The following ARRDC2 variants were observed in gnomAD, a reference collection of about 807,000 sequenced individuals.
The protein encoded by ARRDC2 is arrestin domain containing 2.
A neutral mutation model predicts 38.9 loss-of-function variants in ARRDC2; 39 were observed. The ratio of observed to expected loss-of-function variants is 1.00; its 90% CI spans 0.78 to 1.31. The LOEUF is 1.31. Ranked by LOEUF, ARRDC2 falls within the 50% of genes most tolerant of loss-of-function variation. The pLI, the probability that ARRDC2 is intolerant of heterozygous loss-of-function variation, is 0.00. For synonymous variants in ARRDC2, 300 were observed against 261.9 expected (o/e 1.15, Z -1.41); for missense variants, 553 against 588.4 (o/e 0.94, Z 0.62).
chr19:18,005,954 G>A (rs1348512534), upstream of ARRDC2, among the ~76,000 whole-genome samples: 3 of 151,484 alleles, frequency 2.0e-5, no homozygotes, highest in Admixed American at 6.6e-5. Flanking sequence ...AGACGGGGTC[G>A]CGGCCGGGCC....
rs904397117 is a variant in ARRDC2, at chr19:18,009,007, T to G, written c.378T>G (p.Ser126Arg). 1.5e-5 allele frequency: 25 copies of G among 1,613,608 alleles called. No homozygotes were observed. Among genetic ancestry groups the G allele is most frequent in the Non-Finnish European group, 1.9e-5 (23 of 1,180,000 alleles). Residue 126 changes from serine to arginine, a missense_variant, in exon 3 of 8, where the codon AGT becomes AGG. Coordinates refer to ENST00000222250, the MANE Select transcript of ARRDC2 (RefSeq NM_015683.2). Reference protein sequence around the residue: ...LVTSFEGKHGSVRYCIKATLH... With the variant: ...LVTSFEGKHGRVRYCIKATLH... ...CATCCTTCGAGGGCAAACACGGTAG[T>G]GTCCGCTACTGTATCAAGGCCACCC... is the stretch of plus-strand genomic sequence containing the variant.
upstream of ARRDC2, chr19:18,008,116 A>AGGGGGGCC: frequency 1.9e-6 from 1 of 522,500 alleles, no homozygotes; most frequent in Non-Finnish European, 2.9e-6. Context: ...AGAGACGGTG[A>AGGGGGGCC]CCCCACCCCC....
chr19:18,009,842 C>G lies in ARRDC2; in HGVS notation c.652C>G (p.Arg218Gly). ...CGGCTCCACACGTCCTGTGCTGCCT[C>G]GGGCAGCCGTGGTGCAGACACAGAC... ...DNGSTRPVLP[R>G]AAVVQTQTFM... The change falls in exon 5 of 8, where the codon CGG becomes GGG. Residue 218 changes from arginine (R) to glycine (G), a missense_variant. Transcript: ENST00000222250. The G allele has an allele frequency of 6.2e-7, 1 of 1,612,292 alleles. No homozygotes were observed. The highest frequency in any genetic ancestry group is 8.5e-7 in the Non-Finnish European group (1 of 1,179,860).
chr19:18,003,858 C>T (rs2033224475), upstream of ARRDC2, among the ~76,000 whole-genome samples: 2 of 152,174 alleles, frequency 1.3e-5, no homozygotes, highest in East Asian at 3.9e-4. Context: ...CCAGAATGGT[C>T]TCGATCTCCT....
intron 7 of ARRDC2, 98 bp downstream of exon 7, chr19:18,010,827 T>C (rs1460408062): frequency 1.3e-5 from 17 of 1,351,714 alleles, no homozygotes; most frequent in Admixed American, 9.4e-5. Flanking sequence ...TGTTTTTTTG[T>C]TTTTTTAGAC....
At chr19:18,001,148 C>G (rs2145992828) in exon 1 of ARRDC2, 4 of 722,888 alleles carry the variant, frequency 5.5e-6, no homozygotes, top group Non-Finnish European at 7.2e-6. Flanking sequence ...AGTTCGCCGA[C>G]GACGCGCCCG....
intron 7 of ARRDC2, 110 bp downstream of exon 7, chr19:18,010,839 G>A (rs553770538): frequency 8.1e-7 from 1 of 1,231,230 alleles, no homozygotes; most frequent in East Asian, 2.5e-5. Context: ...TTTTTAGACA[G>A]GGTCTTGCTC....
chr19:18,010,468 C>T, intron 6 of ARRDC2, 104 bp from the exon 7 acceptor site: 1 of 1,553,946 alleles, frequency 6.4e-7, no homozygotes, highest in Non-Finnish European at 8.7e-7. Flanking sequence ...AAAGGACATA[C>T]AGCCTGGCAG....
chr19:18,004,466 C>T (rs1423649050), upstream of ARRDC2, among the ~76,000 whole-genome samples: 9 of 150,228 alleles, frequency 6.0e-5, no homozygotes, highest in African/African-American at 1.9e-4. Context: ...AGGCTGGTCT[C>T]GAACTCCTGA....
At chr19:18,001,895 AC>A (rs2033193668) in intron 1 of ARRDC2, among the ~76,000 whole-genome samples, 1 of 152,068 alleles carries the variant, frequency 6.6e-6, no homozygotes, top group South Asian at 2.1e-4. Flanking sequence ...CTGAGATCGC[AC>A]CACTGCACTC....
At chr19:18,006,584 T>C (rs4808735), upstream of ARRDC2, among the ~76,000 whole-genome samples, 1 of 151,946 alleles carries the variant, frequency 6.6e-6, no homozygotes, top group African/African-American at 2.4e-5. Flanking sequence ...GTCCAGCTTC[T>C]GCTCGGCATG....
chr19:18,008,167 G>C (rs1454455296), upstream of ARRDC2: 1 of 1,228,714 alleles, frequency 8.1e-7, no homozygotes, highest in South Asian at 1.4e-5. Context: ...CGCACGGCGC[G>C]GGGATTTTCT....
In ARRDC2 at chr19:18,010,633, C is replaced by T. The variant is rs1235527428; in HGVS notation, c.1074C>T (p.Pro358=). Residue 358 remains proline (P), a synonymous_variant, in exon 7 of 8, where the codon CCC becomes CCT. Coordinates refer to ENST00000222250, the MANE Select transcript of ARRDC2 (RefSeq NM_015683.2). ...AGGAGGCAGCCTTGGGGCAGAGCCC[C>T]TTCCCGCTTCCGCAGGACCCCGACA... The part of the protein sequence containing the change: ...DTEEAALGQS[P]FPLPQDPDMS... The T allele has an allele frequency of 6.2e-7, 1 of 1,613,904 alleles. No individual in the cohort carries two copies. Among genetic ancestry groups the T allele is most frequent in the East Asian group, 2.2e-5 (1 of 44,862 alleles).
chr19:18,011,934 G>GTGTGTATATATA (rs944958651), intron 7 of ARRDC2, among the ~76,000 whole-genome samples: 58 of 68,352 alleles, frequency 8.5e-4, no homozygotes, highest in East Asian at 1.5e-3. Context: ...GTGTATATGT[G>GTGTGTATATATA]TATATATATA....
At chr19:18,006,086 G>A (rs529584088), upstream of ARRDC2, among the ~76,000 whole-genome samples, 30 of 150,890 alleles carry the variant, frequency 2.0e-4, no homozygotes, top group Non-Finnish European at 4.0e-4. Context: ...GGGAAGAGGC[G>A]CTCCTCACTT....
chr19:18,004,508 A>C (rs1238490872), upstream of ARRDC2, among the ~76,000 whole-genome samples: 4 of 150,560 alleles, frequency 2.7e-5, no homozygotes, highest in Non-Finnish European at 5.9e-5. Flanking sequence ...CGGCCTCCCA[A>C]AGTGCTGGGA....
At position 18,009,047 on chromosome 19, in the gene ARRDC2, G is replaced by T. The variant is rs762049398; in HGVS notation, c.418G>T (p.Val140Phe). Residue 140 changes from valine (V) to phenylalanine (F), a missense_variant, in exon 3 of 8, where the codon GTC (valine) becomes TTC (phenylalanine). By Grantham distance (50) the Val-to-Phe change is conservative. This residue lies in a region of ARRDC2 where 447 missense variants were observed against 456.6 expected (regional missense o/e 0.98). Coordinates refer to ENST00000222250, the MANE Select transcript of ARRDC2 (RefSeq NM_015683.2). The stretch of plus-strand genomic sequence containing the variant: ...CAAGGCCACCCTGCACCGGCCCTGG[G>T]TCCCAGCACGCCGGGCAAGGAAGGT... ...CIKATLHRPW[V>F]PARRARKVFT... The T allele has an allele frequency of 1.9e-6, 3 of 1,613,640 alleles. No homozygotes were observed. The highest frequency in any genetic ancestry group is 2.2e-5 in the South Asian group (2 of 91,086).
chr19:18,009,050 C>G lies in ARRDC2; in HGVS notation c.421C>G (p.Pro141Ala). 6.2e-7 allele frequency: 1 copy of G among 1,613,602 alleles called. No individual in the cohort carries two copies. Among genetic ancestry groups the G allele is most frequent in the Non-Finnish European group, 8.5e-7 (1 of 1,179,994 alleles). The change falls in exon 3 of 8, where the codon CCA (proline) becomes GCA (alanine). Residue 141 changes from proline (P) to alanine (A), a missense_variant. Coordinates refer to ENST00000222250, the MANE Select transcript of ARRDC2 (RefSeq NM_015683.2). ...IKATLHRPWV[P>A]ARRARKVFTV... is the part of the protein sequence containing the mutation. ...GGCCACCCTGCACCGGCCCTGGGTC[C>G]CAGCACGCCGGGCAAGGAAGGTGTT...
upstream of ARRDC2, among the ~76,000 whole-genome samples, chr19:18,004,693 C>CAA (rs112781194): frequency 5.5e-5 from 7 of 126,872 alleles, no homozygotes; most frequent in African/African-American, 1.4e-4. Context: ...GACCCTGTCT[C>CAA]AAAAAAAAAA....
Sources: gnomAD v4.1 joint callset for allele counts (sites outside exome capture counted in the v4.1 genomes callset) on GRCh38, gnomAD v4.1.1 for gene constraint, gnomAD v4.1.1 regional missense constraint, MANE v1.5 for transcripts, NCBI Gene and HGNC (gene_info 2026-07-23, HGNC 2026-07-21) for gene names.